Variants in GPC5 observed in about 807,000 individuals in gnomAD.
The protein encoded by GPC5 is glypican 5.
A neutral mutation model predicts 53.9 loss-of-function variants in GPC5; 47 were observed. The observed-to-expected ratio is 0.87, with a 90% CI of 0.69 to 1.11. The LOEUF (loss-of-function observed/expected upper bound fraction) is 1.11, where lower values mean the gene tolerates loss of function less well. Among genes scored for constraint, GPC5 ranks in the 50% most tolerant of loss-of-function variants. The probability of loss-of-function intolerance (pLI) is 0.00; values close to 1 mark genes in which losing one functional copy is unlikely to be tolerated. For synonymous variants in GPC5, 286 were observed against 263.3 expected (o/e 1.09, Z -0.84); for missense variants, 748 against 713.1 (o/e 1.05, Z -0.56).
chr13:92,520,432 A>G (rs1004602026), intron 7 of GPC5, among the ~76,000 whole-genome samples: 1 of 152,184 alleles, frequency 6.6e-6, no homozygotes, highest in African/African-American at 2.4e-5. Flanking sequence ...CTTATACACC[A>G]TGATCAAGTG....
chr13:91,493,271 G>T (rs946576807), intron 2 of GPC5, among the ~76,000 whole-genome samples: 8 of 152,104 alleles, frequency 5.3e-5, no homozygotes, highest in Non-Finnish European at 1.5e-5. Context: ...TTTGATACAG[G>T]CATGTAATGT....
chr13:92,750,842 GTTTT>G (rs985725708), intron 7 of GPC5, among the ~76,000 whole-genome samples: 4 of 152,030 alleles, frequency 2.6e-5, no homozygotes, highest in Admixed American at 1.3e-4. Flanking sequence ...AACCCATCAT[GTTTT>G]TTGTTTATAG....
chr13:92,441,265 C>T (rs555991807), intron 7 of GPC5, among the ~76,000 whole-genome samples: 8 of 152,264 alleles, frequency 5.3e-5, no homozygotes, highest in East Asian at 1.9e-4. Flanking sequence ...GATGGGGTTT[C>T]GCCATGTTGG....
chr13:92,548,676 A>T (rs1882208867), intron 7 of GPC5, among the ~76,000 whole-genome samples: 1 of 151,962 alleles, frequency 6.6e-6, no homozygotes, highest in Non-Finnish European at 1.5e-5. Context: ...AACTATCCCC[A>T]CTTTGCTTAT....
At chr13:91,922,645 C>T (rs940731186) in intron 6 of GPC5, among the ~76,000 whole-genome samples, 2 of 152,146 alleles carry the variant, frequency 1.3e-5, no homozygotes, top group African/African-American at 4.8e-5. Flanking sequence ...CACTCTGTAA[C>T]TAACTTACAA....
chr13:92,333,374 C>A (rs1262459836), intron 7 of GPC5, among the ~76,000 whole-genome samples: 2 of 152,142 alleles, frequency 1.3e-5, no homozygotes, highest in Non-Finnish European at 2.9e-5. Flanking sequence ...TGGGTTTTAT[C>A]AGAACCTAGG....
In GPC5 at chr13:91,687,012, C is replaced by A. The variant is rs2035637451; in HGVS notation, c.326-6175C>A. 2.0e-5 allele frequency among the ~76,000 whole-genome samples: 3 copies of A among 151,836 alleles called. No individual in the cohort carries two copies. In the South Asian group the frequency reaches 6.2e-4, roughly 32 times the overall value. On this transcript the variant is annotated intron_variant, in intron 2 of 7. Coordinates refer to ENST00000377067, the MANE Select transcript of GPC5 (RefSeq NM_004466.6). The stretch of plus-strand genomic sequence containing the variant: ...ATTTCATTTCTATATTTGAGAATAT[C>A]TGTGGCCTCAAATTGTAATTGAAAT...
intron 7 of GPC5, among the ~76,000 whole-genome samples, chr13:92,758,398 C>A (rs937511370): frequency 6.6e-6 from 1 of 151,422 alleles, no homozygotes; most frequent in Non-Finnish European, 1.5e-5. Context: ...GTGGGTGCAG[C>A]GCACCAGCAT....
At chr13:91,628,508 C>CTGTCTGTCTG (rs3084145) in intron 2 of GPC5, among the ~76,000 whole-genome samples, 6 of 123,086 alleles carry the variant, frequency 4.9e-5, no homozygotes, top group East Asian at 4.4e-4. Flanking sequence ...CTGTCTATCT[C>CTGTCTGTCTG]TCTATCTATC....
chr13:91,813,097 C>G (rs1214008323), intron 5 of GPC5, among the ~76,000 whole-genome samples: 1 of 152,158 alleles, frequency 6.6e-6, no homozygotes, highest in African/African-American at 2.4e-5. Flanking sequence ...GGAAACAATT[C>G]TTATACTTGT....
chr13:92,685,340 C>A (rs557431607), intron 7 of GPC5, among the ~76,000 whole-genome samples: 13 of 152,064 alleles, frequency 8.5e-5, no homozygotes, highest in South Asian at 4.2e-4. Context: ...GGTGATCCAC[C>A]CTCCTCAGCC....
At chr13:92,585,026 G>A (rs777644408) in intron 7 of GPC5, among the ~76,000 whole-genome samples, 5 of 152,098 alleles carry the variant, frequency 3.3e-5, no homozygotes, top group South Asian at 2.1e-4. Flanking sequence ...GGGGTAAGGG[G>A]GGGCTCATGG....
intron 6 of GPC5, among the ~76,000 whole-genome samples, chr13:92,106,042 A>T (rs1378808389): frequency 6.6e-6 from 1 of 152,020 alleles, no homozygotes; most frequent in African/African-American, 2.4e-5. Context: ...CCAGTGATTC[A>T]TTCCTTTTCA....
Position 91,987,815 on chromosome 13 carries a change from T to C in GPC5, c.1401+79758T>C, listed in dbSNP as rs557995378. Among the ~76,000 whole-genome samples the C allele has an allele frequency of 5.2e-4, 76 of 145,298 alleles. No individual in the cohort carries two copies. The East Asian group carries it at 8.1e-3, about 15-fold the overall frequency. On this transcript the variant is annotated intron_variant, in intron 6 of 7. Coordinates refer to ENST00000377067, the MANE Select transcript of GPC5 (RefSeq NM_004466.6). ...TTATATTATGTATAAATACCATATA[T>C]AGTATTTATATTATATATAAATATA... is the stretch of plus-strand genomic sequence containing the variant.
At chr13:91,571,765 A>ATGTGTATATATACACACATATACGTG (rs1555325772) in intron 2 of GPC5, among the ~76,000 whole-genome samples, 1 of 67,694 alleles carries the variant, frequency 1.5e-5, no homozygotes, top group Non-Finnish European at 2.5e-5. Context: ...ATACATGTGT[A>ATGTGTATATATACACACATATACGTG]TGTGTATATA....
chr13:91,528,124 C>A (rs895619083), intron 2 of GPC5, among the ~76,000 whole-genome samples: 3 of 152,206 alleles, frequency 2.0e-5, no homozygotes, highest in African/African-American at 7.2e-5. Context: ...AATTTCTCCC[C>A]AGAAAATGGG....
chr13:92,395,754 C>T (rs1408956475), intron 7 of GPC5, among the ~76,000 whole-genome samples: 1 of 151,988 alleles, frequency 6.6e-6, no homozygotes, highest in Non-Finnish European at 1.5e-5. Flanking sequence ...TTCCCTATAT[C>T]TTCTTGCTTG....
intron 1 of GPC5, among the ~76,000 whole-genome samples, chr13:91,434,851 CTT>C (rs1879787859): frequency 6.6e-6 from 1 of 152,124 alleles, no homozygotes; most frequent in Non-Finnish European, 1.5e-5. Flanking sequence ...TTTGTATCCT[CTT>C]TTATTTTATT....
chr13:92,033,390 C>G (rs1304807968), intron 6 of GPC5, among the ~76,000 whole-genome samples: 2 of 152,092 alleles, frequency 1.3e-5, no homozygotes, highest in Non-Finnish European at 2.9e-5. Context: ...AGATATCTTA[C>G]CTGATCTGTC....
Sources: allele counts gnomAD v4.1 joint callset (sites outside exome capture counted in the v4.1 genomes callset), GRCh38; gene constraint gnomAD v4.1.1; transcripts MANE v1.5; gene names NCBI Gene and HGNC (gene_info 2026-07-23, HGNC 2026-07-21).